NRXN1: variants seen among roughly 807,000 people sequenced by gnomAD.
The protein encoded by NRXN1 is neurexin 1.
NRXN1 carries 39 observed loss-of-function variants against 150.9 expected under a neutral mutation model. That is an observed-to-expected ratio of 0.26 (90% CI 0.20 to 0.34). The LOEUF (loss-of-function observed/expected upper bound fraction) is 0.34, where lower values mean the gene tolerates loss of function less well. Among genes scored for constraint, NRXN1 ranks in the 10% least tolerant of loss-of-function variants. NRXN1 has a pLI of 1.00. For missense variants in NRXN1, 1,815 were observed against 1,949.9 expected (o/e 0.93, Z 1.30); for synonymous variants, 924 against 757.0 (o/e 1.22, Z -3.62).
intron 18 of NRXN1, among the ~76,000 whole-genome samples, chr2:50,170,504 C>T (rs2059963855): frequency 6.6e-6 from 1 of 152,094 alleles, no homozygotes; most frequent in African/African-American, 2.4e-5. Context: ...ACGATGTTGA[C>T]CATGCTGGTC....
rs917650139 is a variant in NRXN1, at chr2:50,291,311, G to A, written c.3365-54341C>T. Among the ~76,000 whole-genome samples, 7 of 152,084 alleles carry A rather than the reference G, an allele frequency of 4.6e-5. No individual in the cohort carries two copies. The East Asian group carries it at 1.2e-3, about 25-fold the overall frequency. ...TCCTCCAAGTACATAAATGAAATAC[G>A]CATAACTATTTTAAAACGAGTTAAG... is the stretch of plus-strand genomic sequence containing the variant. On this transcript the variant is annotated intron_variant, in intron 17 of 22. Coordinates refer to ENST00000401669, the MANE Select transcript of NRXN1 (RefSeq NM_001330078.2).
intron 8 of NRXN1, chr2:50,619,333 A>G (rs1456877879): frequency 6.6e-6 from 1 of 152,164 alleles, no homozygotes; most frequent in Non-Finnish European, 1.5e-5. Context: ...AATATTCATT[A>G]AAAAATGAAA....
At chr2:50,548,011 A>T (rs1323435654) in intron 9 of NRXN1, 2 of 152,180 alleles carry the variant, frequency 1.3e-5, no homozygotes, top group Non-Finnish European at 2.9e-5. Flanking sequence ...AGTTTTAGAA[A>T]ATTACACATA....
At chr2:50,622,881 T>G (rs572253312) in intron 6 of NRXN1, among the ~76,000 whole-genome samples, 7 of 151,898 alleles carry the variant, frequency 4.6e-5, no homozygotes, top group African/African-American at 1.7e-4. Context: ...GAGGAGGGAG[T>G]AGGGACTGAT....
chr2:50,082,471 A>G (rs1184906361), intron 19 of NRXN1, among the ~76,000 whole-genome samples: 1 of 152,248 alleles, frequency 6.6e-6, no homozygotes, highest in Non-Finnish European at 1.5e-5. Flanking sequence ...ATATTACAAC[A>G]TAAGATATAC....
At chr2:50,466,443 A>T in intron 16 of NRXN1, 1 of 473,544 alleles carries the variant, frequency 2.1e-6, no homozygotes, top group Non-Finnish European at 4.4e-6. Flanking sequence ...CTTGTTATAT[A>T]CACACAGGGC....
intron 17 of NRXN1, among the ~76,000 whole-genome samples, chr2:50,428,663 G>C (rs570501602): frequency 3.9e-4 from 60 of 152,310 alleles, no homozygotes; most frequent in African/African-American, 1.4e-3. Flanking sequence ...TTTGCTAACT[G>C]TCTAATCTGG....
At chr2:50,686,734 G>C (rs1188418181) in intron 5 of NRXN1, among the ~76,000 whole-genome samples, 1 of 152,152 alleles carries the variant, frequency 6.6e-6, no homozygotes, top group African/African-American at 2.4e-5. Flanking sequence ...TAGCGTTAAA[G>C]GTAACGGGTA....
intron 17 of NRXN1, among the ~76,000 whole-genome samples, chr2:50,266,021 T>C (rs1393971080): frequency 1.2e-4 from 17 of 145,958 alleles, no homozygotes; most frequent in Non-Finnish European, 1.5e-5. Flanking sequence ...TTTTTTGAGA[T>C]AGAGTCTCAC....
chr2:50,570,618 T>C (rs1670528694), intron 8 of NRXN1, among the ~76,000 whole-genome samples: 1 of 152,106 alleles, frequency 6.6e-6, no homozygotes, highest in South Asian at 2.1e-4. Flanking sequence ...AGGAGCTATG[T>C]TGACATGTGT....
At chr2:50,516,864 A>C (rs1314554695) in intron 12 of NRXN1, among the ~76,000 whole-genome samples, 1 of 152,220 alleles carries the variant, frequency 6.6e-6, no homozygotes, top group East Asian at 1.9e-4. Flanking sequence ...TGACTAAATG[A>C]TATAAAGTCA....
At chr2:50,399,291 A>G (rs2082243928) in intron 17 of NRXN1, among the ~76,000 whole-genome samples, 1 of 152,202 alleles carries the variant, frequency 6.6e-6, no homozygotes, top group African/African-American at 2.4e-5. Context: ...CTCATATAAG[A>G]ATGGGTTACT....
At chr2:50,722,477 A>C (rs531302701) in intron 5 of NRXN1, among the ~76,000 whole-genome samples, 1 of 152,196 alleles carries the variant, frequency 6.6e-6, no homozygotes, top group African/African-American at 2.4e-5. Flanking sequence ...GCAGCAGAAT[A>C]TTTAATGATT....
chr2:50,406,664 C>T (rs114918411), intron 17 of NRXN1, among the ~76,000 whole-genome samples: 4,620 of 152,234 alleles, frequency 0.03, 112 homozygotes, highest in Middle Eastern at 0.085. Context: ...GGCATGTCCA[C>T]ATCCATAATT....
At chr2:50,617,212 T>G (rs953555326) in intron 8 of NRXN1, among the ~76,000 whole-genome samples, 4 of 151,922 alleles carry the variant, frequency 2.6e-5, no homozygotes, top group Admixed American at 6.6e-5. Context: ...GGCGGGCAGA[T>G]CACTTGAGGT....
chr2:50,347,198 G>C lies in NRXN1; in HGVS notation c.3365-110228C>G. ...AGCTGGAGAGGGGCTTGTCCGGAAA[G>C]GCAGCCCCGGGAACAGCAAGCGCGG... On this transcript the variant is annotated intron_variant, in intron 17 of 22. Transcript: ENST00000401669. The surrounding 1 kb of genome is among the most constrained non-coding windows in gnomAD (Gnocchi z 4.9). 1 of 1,348,272 alleles carries C rather than the reference G, an allele frequency of 7.4e-7. No individual in the cohort carries two copies. The highest frequency in any genetic ancestry group is 9.7e-7 in the Non-Finnish European group (1 of 1,028,444). 83.5% of individuals were successfully genotyped at this position (1,348,272 alleles called of 1,614,324 possible).
chr2:50,107,541 T>TATATATATATATATA (rs113045952), intron 18 of NRXN1, among the ~76,000 whole-genome samples: 1 of 111,800 alleles, frequency 8.9e-6, no homozygotes, highest in African/African-American at 3.3e-5. Context: ...ATATATATAT[T>TATATATATATATATA]TTTTTTTTTT....
Position 50,054,998 on chromosome 2 carries a change from T to C in NRXN1, c.3765A>G (p.Pro1255=), listed in dbSNP as rs1393835262. The stretch of plus-strand genomic sequence containing the variant: ...CATCAACTACTCGACCAAGTCGATA[T>C]GGAATTCGCTGTCTAGCAATCGCCA... The part of the protein sequence containing the change: ...ERLAIARQRI[P]YRLGRVVDEW... Residue 1255 remains proline (P), a synonymous_variant, in exon 20 of 23, where the codon CCA becomes CCG. Transcript: ENST00000401669. 1.2e-6 allele frequency: 2 copies of C among 1,600,680 alleles called. No individual in the cohort carries two copies. The highest frequency in any genetic ancestry group is 1.7e-6 in the Non-Finnish European group (2 of 1,175,088).
intron 18 of NRXN1, among the ~76,000 whole-genome samples, chr2:50,200,757 TG>T (rs1395052657): frequency 6.6e-6 from 1 of 152,186 alleles, no homozygotes; most frequent in Non-Finnish European, 1.5e-5. Context: ...CACTGAGTTA[TG>T]GTTTTCAAAA....
Sources: gnomAD v4.1 joint callset for allele counts (sites outside exome capture counted in the v4.1 genomes callset) on GRCh38, gnomAD v4.1.1 for gene constraint, Gnocchi (gnomAD v3.1) non-coding constraint, MANE v1.5 for transcripts, NCBI Gene and HGNC (gene_info 2026-07-23, HGNC 2026-07-21) for gene names.